PPP3CA: variants seen among roughly 807,000 people sequenced by gnomAD.
PPP3CA encodes the protein CAM-PRP catalytic subunit.
A neutral mutation model predicts 66.5 loss-of-function variants in PPP3CA; 14 were observed. The ratio of observed to expected loss-of-function variants is 0.21; its 90% CI spans 0.14 to 0.33. The LOEUF is 0.33. Among genes scored for constraint, PPP3CA ranks in the 10% least tolerant of loss-of-function variants. The probability of loss-of-function intolerance (pLI) is 1.00; values close to 1 mark genes in which losing one functional copy is unlikely to be tolerated. For synonymous variants in PPP3CA, 232 were observed against 226.2 expected (o/e 1.03, Z -0.23); for missense variants, 317 against 639.5 (o/e 0.50, Z 5.44).
chr4:101,208,498 T>C (rs1174468315), intron 1 of PPP3CA, among the ~76,000 whole-genome samples: 1 of 152,282 alleles, frequency 6.6e-6, no homozygotes, highest in South Asian at 2.1e-4. Context: ...ATGGCATATT[T>C]CAGTGTGCAT....
intron 1 of PPP3CA, among the ~76,000 whole-genome samples, chr4:101,243,760 C>T (rs1189120368): frequency 6.6e-6 from 1 of 152,130 alleles, no homozygotes; most frequent in Admixed American, 6.5e-5. Flanking sequence ...GTTAAGAATT[C>T]TTGGCCAGGA....
intron 10 of PPP3CA, among the ~76,000 whole-genome samples, chr4:101,055,044 C>A (rs1728169256): frequency 6.6e-6 from 1 of 152,040 alleles, no homozygotes; most frequent in Non-Finnish European, 1.5e-5. Context: ...TGAGACTTAT[C>A]ACATATCACA....
At chr4:101,224,635 A>C (rs575090558) in intron 1 of PPP3CA, among the ~76,000 whole-genome samples, 43 of 151,926 alleles carry the variant, frequency 2.8e-4, no homozygotes, top group African/African-American at 1.0e-3. Flanking sequence ...TGGACTTTGA[A>C]AAACCTGCCG....
At chr4:101,337,136 C>G (rs1217601321) in intron 1 of PPP3CA, among the ~76,000 whole-genome samples, 2 of 152,218 alleles carry the variant, frequency 1.3e-5, no homozygotes, top group Non-Finnish European at 2.9e-5. Flanking sequence ...ATCATCTATT[C>G]TCTCCATTCA....
At chr4:101,107,490 G>T (rs990808873) in intron 3 of PPP3CA, among the ~76,000 whole-genome samples, 8 of 152,250 alleles carry the variant, frequency 5.3e-5, no homozygotes, top group African/African-American at 1.9e-4. Context: ...GAAATACCAA[G>T]AATTTAACTT....
chr4:101,203,938 T>C (rs1725046506), intron 1 of PPP3CA, among the ~76,000 whole-genome samples: 1 of 152,194 alleles, frequency 6.6e-6, no homozygotes, highest in Non-Finnish European at 1.5e-5. Context: ...TTCAGCATTA[T>C]TGATAAGTTT....
At chr4:101,060,293 T>C (rs1000631990) in intron 10 of PPP3CA, among the ~76,000 whole-genome samples, 1 of 152,144 alleles carries the variant, frequency 6.6e-6, no homozygotes, top group Non-Finnish European at 1.5e-5. Context: ...TTTCCCAGGC[T>C]GGTCTCAAAA....
At chr4:101,047,855 TATA>T (rs2110215632) in intron 10 of PPP3CA, among the ~76,000 whole-genome samples, 1 of 152,198 alleles carries the variant, frequency 6.6e-6, no homozygotes, top group African/African-American at 2.4e-5. Context: ...GAATAAATAA[TATA>T]ATTATTATTA....
chr4:101,064,940 G>A (rs1728619581), intron 8 of PPP3CA, among the ~76,000 whole-genome samples: 1 of 152,004 alleles, frequency 6.6e-6, no homozygotes, highest in African/African-American at 2.4e-5. Flanking sequence ...TAAGGCCTTT[G>A]CTTTGAATTG....
chr4:101,025,767 G>A lies in PPP3CA; in HGVS notation c.*98C>T. ...CCAGAGCAAATAAGCTACTGTCAGAGGCAAGAACATCCAACTGCTGATATG... is the reference window on the plus strand; with the variant it reads ...CCAGAGCAAATAAGCTACTGTCAGAAGCAAGAACATCCAACTGCTGATATG... On this transcript the variant is annotated 3_prime_UTR_variant, in exon 14 of 14. Transcript: ENST00000394854. The A allele has an allele frequency of 1.0e-6, 1 of 1,000,978 alleles. No homozygotes were observed. The highest frequency in any genetic ancestry group is 1.4e-6 in the Non-Finnish European group (1 of 710,982). The allele number at this position is 1,000,978 out of a possible 1,614,324, so 62.0% of individuals were successfully genotyped here. A position where few individuals can be genotyped will look rare whatever the true frequency, so the allele number is the denominator to read the frequency against.
intron 10 of PPP3CA, among the ~76,000 whole-genome samples, chr4:101,041,949 A>G (rs1431344493): frequency 6.6e-6 from 1 of 152,160 alleles, no homozygotes; most frequent in African/African-American, 2.4e-5. Flanking sequence ...TCTATAGATG[A>G]TAACTGGTAT....
In PPP3CA at chr4:101,272,441, T is replaced by C. The variant is rs114995478; in HGVS notation, c.58+74298A>G. Among the ~76,000 whole-genome samples, 763 of 152,244 alleles carry C rather than the reference T, an allele frequency of 5.0e-3. 6 individuals carry two copies. The highest frequency in any genetic ancestry group is 0.017 in the African/African-American group (714 of 41,524). On this transcript the variant is annotated intron_variant, in intron 1 of 13. Coordinates refer to ENST00000394854, the MANE Select transcript of PPP3CA (RefSeq NM_000944.5). Reference sequence around the variant, plus strand: ...CTCATTCTATAATATACAAGATACGTAGGACAATAAGGCAATCATATCAAG... The same window carrying C: ...CTCATTCTATAATATACAAGATACGCAGGACAATAAGGCAATCATATCAAG...
chr4:101,341,837 A>G (rs1450933212), intron 1 of PPP3CA, among the ~76,000 whole-genome samples: 3 of 152,226 alleles, frequency 2.0e-5, no homozygotes, highest in African/African-American at 4.8e-5. Flanking sequence ...TCAAAATTCT[A>G]TATCATGAAT....
At chr4:101,111,685 T>C (rs1469772155) in intron 2 of PPP3CA, among the ~76,000 whole-genome samples, 1 of 152,146 alleles carries the variant, frequency 6.6e-6, no homozygotes, top group East Asian at 1.9e-4. Context: ...TGAGTGAACT[T>C]GGACAATTTA....
chr4:101,229,743 A>G (rs1401388612), intron 1 of PPP3CA, among the ~76,000 whole-genome samples: 1 of 151,624 alleles, frequency 6.6e-6, no homozygotes, highest in African/African-American at 2.4e-5. Flanking sequence ...ACATATTCCC[A>G]GTTTCATCCA....
rs947156557 is a variant in PPP3CA, at chr4:101,108,841, A to G, written c.384+113T>C. On this transcript the variant is annotated intron_variant, in intron 3 of 13. Coordinates refer to ENST00000394854, the MANE Select transcript of PPP3CA (RefSeq NM_000944.5). ...ATGTAATATCCTATGAATTAAGTGA[A>G]TTAAATTTCATTGTTAGAGGTTTCC... 4 of 1,052,730 alleles carry G rather than the reference A, an allele frequency of 3.8e-6. No homozygotes were observed. In the African/African-American group the frequency reaches 6.4e-5, roughly 17 times the overall value. The allele number at this position is 1,052,730 out of a possible 1,614,324, so 65.2% of individuals were successfully genotyped here.
At chr4:101,063,606 A>T (rs112522044) in intron 8 of PPP3CA, among the ~76,000 whole-genome samples, 2,326 of 152,054 alleles carry the variant, frequency 0.015, 58 homozygotes, top group African/African-American at 0.052. Context: ...TACACAAAAT[A>T]GTTAATCCAA....
At chr4:101,125,513 T>C (rs1722218547) in intron 2 of PPP3CA, among the ~76,000 whole-genome samples, 1 of 152,138 alleles carries the variant, frequency 6.6e-6, no homozygotes, top group Non-Finnish European at 1.5e-5. Flanking sequence ...GCATACTGAC[T>C]GGCCAGTTTT....
chr4:101,171,050 T>C, intron 2 of PPP3CA: 1 of 352,202 alleles, frequency 2.8e-6, no homozygotes, highest in Non-Finnish European at 5.6e-6. Flanking sequence ...TTTTACTTAC[T>C]ATCACATTTT....
Sources: allele counts gnomAD v4.1 joint callset (sites outside exome capture counted in the v4.1 genomes callset), GRCh38; gene constraint gnomAD v4.1.1; transcripts MANE v1.5; gene names NCBI Gene and HGNC (gene_info 2026-07-23, HGNC 2026-07-21).